EFR3B: variants seen among roughly 807,000 people sequenced by gnomAD.
EFR3B encodes the protein protein EFR3 homolog B.
A neutral mutation model predicts 104.7 loss-of-function variants in EFR3B; 64 were observed. The observed-to-expected ratio is 0.61, with a 90% CI of 0.50 to 0.75. EFR3B has a LOEUF of 0.75. Among genes scored for constraint, EFR3B ranks in the 30% least tolerant of loss-of-function variants. The pLI is 0.00. For synonymous variants in EFR3B, 385 were observed against 417.9 expected, an observed-to-expected ratio of 0.92 and a Z score of 0.96; for missense variants, 750 against 1,078.5, an observed-to-expected ratio of 0.70 and a Z score of 4.27.
Position 25,093,177 on chromosome 2 carries a change from G to A in EFR3B, c.212+47G>A, listed in dbSNP as rs1041828742. 3 of 1,543,242 alleles carry A rather than the reference G, an allele frequency of 1.9e-6. No individual in the cohort carries two copies. In the African/African-American group the frequency reaches 4.1e-5, roughly 21 times the overall value. On this transcript the variant is annotated intron_variant, in intron 3 of 22. Transcript: ENST00000403714. Reference sequence around the variant, plus strand: ...GAGAGAGATTGTCAGGAACTATATTGTTAGGCTAAACATAGGGTCCTTTTA... The same window carrying A: ...GAGAGAGATTGTCAGGAACTATATTATTAGGCTAAACATAGGGTCCTTTTA...
intron 1 of EFR3B, among the ~76,000 whole-genome samples, chr2:25,066,285 A>G (rs1477033530): frequency 6.6e-6 from 1 of 152,202 alleles, no homozygotes; most frequent in Admixed American, 6.5e-5. Flanking sequence ...CACTGGAAGT[A>G]GATTCCTTAC....
intron 17 of EFR3B, 124 bp from the exon 18 acceptor site, chr2:25,143,611 G>C: frequency 8.1e-7 from 1 of 1,240,964 alleles, no homozygotes; most frequent in Non-Finnish European, 1.1e-6. Flanking sequence ...AATGAGCCGA[G>C]ATCGCACCAC....
intron 1 of EFR3B, chr2:25,081,693 C>T (rs879713579): frequency 2.4e-5 from 13 of 540,636 alleles, no homozygotes; most frequent in African/African-American, 1.4e-4. Context: ...CTGCCATTTC[C>T]GAGTGAGACC....
At chr2:25,066,240 C>T (rs973720676) in intron 1 of EFR3B, among the ~76,000 whole-genome samples, 8 of 152,264 alleles carry the variant, frequency 5.3e-5, no homozygotes, top group African/African-American at 7.2e-5. Context: ...TTAGTGGCCT[C>T]CTGGGAGGGT....
At chr2:25,078,165 C>T (rs997272436) in intron 1 of EFR3B, among the ~76,000 whole-genome samples, 1 of 152,190 alleles carries the variant, frequency 6.6e-6, no homozygotes, top group African/African-American at 2.4e-5. Context: ...CTCTTCCCCA[C>T]GCCACCCAGC....
intron 1 of EFR3B, among the ~76,000 whole-genome samples, chr2:25,066,565 A>C (rs1035748926): frequency 6.6e-6 from 1 of 152,174 alleles, no homozygotes; most frequent in Non-Finnish European, 1.5e-5. Context: ...CTGATACTTC[A>C]TCTCCATGGG....
At chr2:25,098,863 G>A (rs547534) in intron 3 of EFR3B, among the ~76,000 whole-genome samples, 6,786 of 65,184 alleles carry the variant, frequency 0.1, 315 homozygotes, top group Middle Eastern at 0.28. Context: ...TTTTTCTGTT[G>A]CAAAGGATGG....
chr2:25,135,889 T>C (rs1383496306), intron 13 of EFR3B, among the ~76,000 whole-genome samples: 7 of 151,902 alleles, frequency 4.6e-5, no homozygotes, highest in African/African-American at 1.7e-4. Context: ...GAGGGTGAAC[T>C]GAAGATTTGG....
chr2:25,042,215 TC>T lies in EFR3B; in HGVS notation c.-94del. 1 of 1,187,482 alleles carries T rather than the reference TC, an allele frequency of 8.4e-7. No individual in the cohort carries two copies. Among genetic ancestry groups the T allele is most frequent in the South Asian group, 2.9e-5 (1 of 34,912 alleles). The allele number at this position is 1,187,482 out of a possible 1,614,324, so 73.6% of individuals were successfully genotyped here. A position where few individuals can be genotyped will look rare whatever the true frequency, so the allele number is the denominator to read the frequency against. On this transcript the variant is annotated 5_prime_UTR_variant, in exon 1 of 23. The change abolishes the stop of an existing upstream ORF in the 5' untranslated region. Transcript: ENST00000403714. The surrounding 1 kb of genome is among the most constrained non-coding windows in gnomAD (Gnocchi z 5.4). ...CCGGGCCCCTGTCGGCCGCCGCCAG[TC>T]CCCGCCCCGACTGTGAATGAAAGGC...
intron 16 of EFR3B, among the ~76,000 whole-genome samples, chr2:25,140,557 A>G (rs541289032): frequency 1.5e-4 from 23 of 152,132 alleles, no homozygotes; most frequent in Non-Finnish European, 2.8e-4. Context: ...ACACACCTGT[A>G]TGTTGACCAT....
At chr2:25,103,469 G>A (rs1005546922) in intron 3 of EFR3B, among the ~76,000 whole-genome samples, 168 bp from the exon 4 acceptor site, 1 of 152,238 alleles carries the variant, frequency 6.6e-6, no homozygotes, top group African/African-American at 2.4e-5. Flanking sequence ...GTTCTGGGCT[G>A]GAGCAGACAC....
At position 25,147,920 on chromosome 2, in the gene EFR3B, C is replaced by G. The variant is rs550025560; in HGVS notation, c.2143-1774C>G. On this transcript the variant is annotated intron_variant, in intron 19 of 22. Coordinates refer to ENST00000403714, the MANE Select transcript of EFR3B (RefSeq NM_014971.2). ...ACCTGTAACTCAGCTACTGGGGAGG[C>G]TGAGGCAGGAGAATCACTGGAAACC... is the stretch of plus-strand genomic sequence containing the variant. 2.0e-5 allele frequency: 3 copies of G among 148,510 alleles called. No individual in the cohort carries two copies. The Admixed American group carries it at 2.1e-4, about 10-fold the overall frequency. 9.2% of individuals were successfully genotyped at this position (148,510 alleles called of 1,614,324 possible).
chr2:25,087,959 G>A (rs971514485), intron 1 of EFR3B, among the ~76,000 whole-genome samples: 6 of 152,188 alleles, frequency 3.9e-5, no homozygotes, highest in African/African-American at 1.4e-4. Context: ...TTTATTTTGA[G>A]TAAGCTTCTG....
chr2:25,079,477 G>C (rs753677428), intron 1 of EFR3B, among the ~76,000 whole-genome samples: 32 of 152,182 alleles, frequency 2.1e-4, no homozygotes, highest in Non-Finnish European at 2.5e-4. Flanking sequence ...GAGAATAATA[G>C]TATCTACTTT....
rs144806517 is a variant in EFR3B at position 25,128,231 on chromosome 2, G to A, written c.534G>A (p.Thr178=). ...IKGLQGVVRK[T]VNDELQANIW... is the part of the protein sequence containing the mutation. ...GCCTGCAAGGGGTGGTGAGGAAGAC[G>A]GTGAATGATGAACTGCAGGCCAATA... Residue 178 remains threonine, a synonymous_variant, in exon 6 of 23, where the codon ACG becomes ACA. Coordinates refer to ENST00000403714, the MANE Select transcript of EFR3B (RefSeq NM_014971.2). 119 of 1,551,754 alleles carry A rather than the reference G, an allele frequency of 7.7e-5. No individual in the cohort carries two copies. The highest frequency in any genetic ancestry group is 9.8e-5 in the Non-Finnish European group (112 of 1,146,998).
At chr2:25,124,064 T>C (rs1670094051) in intron 5 of EFR3B, among the ~76,000 whole-genome samples, 1 of 152,188 alleles carries the variant, frequency 6.6e-6, no homozygotes, top group Admixed American at 6.5e-5. Flanking sequence ...CTTGCCTTTC[T>C]CTTCCGTCCC....
chr2:25,141,393 C>T lies in EFR3B; in HGVS notation c.1882C>T (p.Pro628Ser), dbSNP rs1670661996. Residue 628 changes from proline to serine, a missense_variant, in exon 17 of 23, where the codon CCA becomes TCA. Pro to Ser is a moderately conservative substitution (Grantham distance 74). Transcript: ENST00000403714. Reference sequence around the variant, plus strand: ...GATAGAGACCAGGAAGAAAGAGGCTCCATACATGCTCCCCGAGGATGTGTT... The same window carrying T: ...GATAGAGACCAGGAAGAAAGAGGCTTCATACATGCTCCCCGAGGATGTGTT... ...EVIETRKKEA[P>S]YMLPEDVFVE... is the part of the protein sequence containing the mutation. 1 of 1,551,544 alleles carries T rather than the reference C, an allele frequency of 6.4e-7. No individual in the cohort carries two copies. Among genetic ancestry groups the T allele is most frequent in the Non-Finnish European group, 8.7e-7 (1 of 1,146,904 alleles).
intron 1 of EFR3B, chr2:25,079,987 T>C: frequency 3.8e-6 from 4 of 1,043,686 alleles, no homozygotes; most frequent in East Asian, 2.4e-5. Context: ...GTTCTAGCAG[T>C]TTCCTCCAAG....
In EFR3B at chr2:25,143,608, C is replaced by G. The variant is rs1454103147; in HGVS notation, c.1923-127C>G. ...CTGGAAGGCGGAGGTTGCAATGAGC[C>G]GAGATCGCACCACCACACTCCAGCC... On this transcript the variant is annotated intron_variant, in intron 17 of 22. Transcript: ENST00000403714. The G allele has an allele frequency of 9.9e-6, 12 of 1,209,444 alleles. No individual in the cohort carries two copies. The Admixed American group carries it at 2.8e-4, about 28-fold the overall frequency. 74.9% of individuals were successfully genotyped at this position (1,209,444 alleles called of 1,614,324 possible).
Sources: gnomAD v4.1 joint callset for allele counts (sites outside exome capture counted in the v4.1 genomes callset) on GRCh38, gnomAD v4.1.1 for gene constraint, Gnocchi (gnomAD v3.1) non-coding constraint, MANE v1.5 for transcripts, NCBI Gene and HGNC (gene_info 2026-07-23, HGNC 2026-07-21) for gene names.